The following CDKN2D variants were observed in gnomAD, a reference collection of about 807,000 sequenced individuals.
CDKN2D encodes cyclin dependent kinase inhibitor 2D, also known as cyclin-dependent kinase 4 inhibitor D.
Under a neutral mutation model 4.7 loss-of-function variants are expected in CDKN2D, and 3 were observed. The observed-to-expected ratio is 0.64, with a 90% CI of 0.29 to 1.66. The LOEUF is 1.66. Ranked by LOEUF, CDKN2D falls within the 40% of genes most tolerant of loss-of-function variation. The probability of loss-of-function intolerance (pLI) is 0.10; values close to 1 mark genes in which losing one functional copy is unlikely to be tolerated. For missense variants in CDKN2D, 196 were observed against 230.9 expected, an observed-to-expected ratio of 0.85 and a Z score of 0.98; for synonymous variants, 91 against 102.3, an observed-to-expected ratio of 0.89 and a Z score of 0.67.
Position 10,567,309 on chromosome 19 carries a change from T to C in CDKN2D, c.250A>G (p.Thr84Ala), listed in dbSNP as rs771875985. 5 of 1,614,124 alleles carry C rather than the reference T, an allele frequency of 3.1e-6. No individual in the cohort carries two copies. The South Asian group carries it at 5.5e-5, about 18-fold the overall frequency. The change falls in exon 2 of 2, where the codon ACT (threonine) becomes GCT (alanine). Residue 84 changes from threonine (T) to alanine (A), a missense_variant. By Grantham distance (58) the Thr-to-Ala change is moderately conservative. Coordinates refer to ENST00000393599, the MANE Select transcript of CDKN2D (RefSeq NM_001800.4). Reference protein sequence around the residue: ...GTSPVHDAARTGFLDTLKVLV... With the variant: ...GTSPVHDAARAGFLDTLKVLV... ...ACCTTCAGGGTGTCCAGGAATCCAG[T>C]GCGGGCTGCGTCATGGACTGGACTG...
At position 10,568,903 on chromosome 19, in the gene CDKN2D, G is replaced by C. The variant is rs1916981095; in HGVS notation, c.-250C>G. 1 of 232,860 alleles carries C rather than the reference G, an allele frequency of 4.3e-6. No individual in the cohort carries two copies. Among genetic ancestry groups the C allele is most frequent in the Non-Finnish European group, 8.4e-6 (1 of 119,720 alleles). The allele number at this position is 232,860 out of a possible 1,614,324, so 14.4% of individuals were successfully genotyped here. A position where few individuals can be genotyped will look rare whatever the true frequency, so the allele number is the denominator to read the frequency against. ...AACCCTCGGCCGCCCGCGGGGCCCTGCCCGGCGCCCGCCCCTTGGGGGCCG... is the reference window on the plus strand; with the variant it reads ...AACCCTCGGCCGCCCGCGGGGCCCTCCCCGGCGCCCGCCCCTTGGGGGCCG... On this transcript the variant is annotated 5_prime_UTR_variant, in exon 1 of 2. Coordinates refer to ENST00000393599, the MANE Select transcript of CDKN2D (RefSeq NM_001800.4).
At chr19:10,567,528 T>A in intron 1 of CDKN2D, 111 bp from the exon 2 acceptor site, 1 of 1,306,924 alleles carries the variant, frequency 7.7e-7, no homozygotes. Context: ...AAACAGGAAA[T>A]GCTAGAGGAG....
chr19:10,567,339 CG>C lies in CDKN2D; in HGVS notation c.219del (p.Gly74ValfsTer17). ...GCTGCGTCATGGACTGGACTGGTAC[CG>C]GAGGTGTCCTGGACATTGGGGCTGG... ...QGASPNVQDT[S>X]GTSPVHDAAR... On this transcript the variant is annotated frameshift_variant, in exon 2 of 2. Coordinates refer to ENST00000393599, the MANE Select transcript of CDKN2D (RefSeq NM_001800.4). LOFTEE classifies it high-confidence loss of function. 1 of 1,614,122 alleles carries C rather than the reference CG, an allele frequency of 6.2e-7. No homozygotes were observed. The highest frequency in any genetic ancestry group is 8.5e-7 in the Non-Finnish European group (1 of 1,180,010).
chr19:10,568,763 G>C lies in CDKN2D; in HGVS notation c.-110C>G, dbSNP rs1354005458. 14 of 710,548 alleles carry C rather than the reference G, an allele frequency of 2.0e-5. No homozygotes were observed. The highest frequency in any genetic ancestry group is 3.8e-5 in the East Asian group (1 of 26,234). The allele number at this position is 710,548 out of a possible 1,614,324, so 44.0% of individuals were successfully genotyped here. A position where few individuals can be genotyped will look rare whatever the true frequency, so the allele number is the denominator to read the frequency against. On this transcript the variant is annotated 5_prime_UTR_variant, in exon 1 of 2. Transcript: ENST00000393599. ...ACAGCCCTCCCGGGGCGCGGCCGCG[G>C]TGCACCCGGCTGCGCTGCTCTCCCG...
chr19:10,567,206 C>A lies in CDKN2D; in HGVS notation c.353G>T (p.Gly118Val). 6.2e-7 allele frequency: 1 copy of A among 1,614,180 alleles called. No individual in the cohort carries two copies. The highest frequency in any genetic ancestry group is 8.5e-7 in the Non-Finnish European group (1 of 1,180,030). The change falls in exon 2 of 2, where the codon GGT (glycine) becomes GTT (valine). Residue 118 changes from glycine to valine, a missense_variant. Physicochemically the swap from Gly to Val is moderately radical, Grantham distance 109 (BLOSUM62 -3). Transcript: ENST00000393599. ...ALPIHLAVQEGHTAVVSFLAA... is the reference protein window; with the variant it reads ...ALPIHLAVQEVHTAVVSFLAA... Reference sequence around the variant, plus strand: ...CAGAAAGCTGACCACAGCAGTGTGACCCTCTTGAACTGCCAGATGGATTGG... The same window carrying A: ...CAGAAAGCTGACCACAGCAGTGTGAACCTCTTGAACTGCCAGATGGATTGG...
Position 10,566,703 on chromosome 19 carries a change from G to T in CDKN2D, c.*355C>A. On this transcript the variant is annotated 3_prime_UTR_variant, in exon 2 of 2. Coordinates refer to ENST00000393599, the MANE Select transcript of CDKN2D (RefSeq NM_001800.4). ...CACTTCAGGTCTCTGAGCACAGCCG[G>T]CCAAGGCCACCAGCTTCTAGGCTCC... is the stretch of plus-strand genomic sequence containing the variant. 3.1e-6 allele frequency: 1 copy of T among 322,084 alleles called. No homozygotes were observed. The highest frequency in any genetic ancestry group is 2.1e-5 in the African/African-American group (1 of 48,076). 20.0% of individuals were successfully genotyped at this position (322,084 alleles called of 1,614,324 possible). A position where few individuals can be genotyped will look rare whatever the true frequency, so the allele number is the denominator to read the frequency against.
rs778041477 is a variant in CDKN2D at position 10,566,809 on chromosome 19, C to T, written c.*249G>A. 18 of 480,302 alleles carry T rather than the reference C, an allele frequency of 3.7e-5. No homozygotes were observed. Among genetic ancestry groups the T allele is most frequent in the Non-Finnish European group, 5.3e-5 (14 of 265,756 alleles). 29.8% of individuals were successfully genotyped at this position (480,302 alleles called of 1,614,324 possible). On this transcript the variant is annotated 3_prime_UTR_variant, in exon 2 of 2. Transcript: ENST00000393599. ...CCAGCAGCCTGAGGCGCAGAAGAAA[C>T]TGAACCGTTTAGGTGGCTGTGGCCT...
At position 10,567,151 on chromosome 19, in the gene CDKN2D, G is replaced by A. The variant is rs554620640; in HGVS notation, c.408C>T (p.Asp136=). Reference sequence around the variant, plus strand: ...GCTCCAAGGGTGTGAGACCCCTGGCGTCCCTGCGATGGAGATCAGATTCAG... The same window carrying A: ...GCTCCAAGGGTGTGAGACCCCTGGCATCCCTGCGATGGAGATCAGATTCAG... ...LAAESDLHRR[D]ARGLTPLELA... Residue 136 remains aspartate (D), a synonymous_variant, in exon 2 of 2, where the codon GAC becomes GAT. Transcript: ENST00000393599. The A allele has an allele frequency of 1.3e-5, 21 of 1,614,100 alleles. No individual in the cohort carries two copies. Among genetic ancestry groups the A allele is most frequent in the East Asian group, 2.2e-5 (1 of 44,872 alleles).
chr19:10,567,431 A>G lies in CDKN2D; in HGVS notation c.142-14T>C. 2 of 1,605,524 alleles carry G rather than the reference A, an allele frequency of 1.2e-6. No homozygotes were observed. Among genetic ancestry groups the G allele is most frequent in the Non-Finnish European group, 1.7e-6 (2 of 1,174,526 alleles). On this transcript the variant is annotated splice_polypyrimidine_tract_variant and intron_variant, in intron 1 of 1. Transcript: ENST00000393599. ...AAACATCATGACCTGTGTGAGGGAC[A>G]GAGGATCAGGAGGTCCTCAAGGGAG...
chr19:10,568,478 C>T (rs1186273645), intron 1 of CDKN2D, 35 bp downstream of exon 1: 20 of 1,330,218 alleles, frequency 1.5e-5, no homozygotes, highest in Non-Finnish European at 1.8e-5. Context: ...TCCCGCTTAG[C>T]CGCCCCGCCC....
chr19:10,567,395 G>A lies in CDKN2D; in HGVS notation c.164C>T (p.Ala55Val). The A allele has an allele frequency of 2.5e-6, 4 of 1,613,744 alleles. No individual in the cohort carries two copies. Among genetic ancestry groups the A allele is most frequent in the Non-Finnish European group, 3.4e-6 (4 of 1,179,798 alleles). The change falls in exon 2 of 2, where the codon GCC becomes GTC. Residue 55 changes from alanine (A) to valine (V), a missense_variant. Ala to Val is a moderately conservative substitution (Grantham distance 64). Transcript: ENST00000393599. The stretch of plus-strand genomic sequence containing the variant: ...TTGCTTCAGCAGCTCCAGGGCGATG[G>A]CGGTGCTGCCAAACATCATGACCTG... ...ALQVMMFGSTAIALELLKQGA... is the reference protein window; with the variant it reads ...ALQVMMFGSTVIALELLKQGA...
chr19:10,567,425 A>T lies in CDKN2D; in HGVS notation c.142-8T>A. On this transcript the variant is annotated splice_region_variant and splice_polypyrimidine_tract_variant and intron_variant, in intron 1 of 1. Coordinates refer to ENST00000393599, the MANE Select transcript of CDKN2D (RefSeq NM_001800.4). Reference sequence around the variant, plus strand: ...GCTGCCAAACATCATGACCTGTGTGAGGGACAGAGGATCAGGAGGTCCTCA... The same window carrying T: ...GCTGCCAAACATCATGACCTGTGTGTGGGACAGAGGATCAGGAGGTCCTCA... 6.2e-7 allele frequency: 1 copy of T among 1,607,062 alleles called. No homozygotes were observed. The highest frequency in any genetic ancestry group is 8.5e-7 in the Non-Finnish European group (1 of 1,175,300).
At chr19:10,568,472 G>T in intron 1 of CDKN2D, 41 bp downstream of exon 1, 1 of 1,326,964 alleles carries the variant, frequency 7.5e-7, no homozygotes, top group Admixed American at 3.5e-5. Context: ...TCCTCATCCC[G>T]CTTAGCCGCC....
chr19:10,567,919 G>T (rs56281777), intron 1 of CDKN2D, among the ~76,000 whole-genome samples: 1 of 152,046 alleles, frequency 6.6e-6, no homozygotes, highest in Non-Finnish European at 1.5e-5. Flanking sequence ...TTCAAGAAGC[G>T]GGATTCCAAA....
intron 1 of CDKN2D, among the ~76,000 whole-genome samples, chr19:10,567,636 G>T (rs1916938850): frequency 8.7e-6 from 1 of 115,128 alleles, no homozygotes; most frequent in African/African-American, 3.6e-5. Flanking sequence ...TTAAGAATGA[G>T]ACCCCCCAAC....
In CDKN2D at chr19:10,567,085, C is replaced by T. The variant is rs1568426106; in HGVS notation, c.474G>A (p.Leu158=). Residue 158 remains leucine, a synonymous_variant, in exon 2 of 2, where the codon CTG becomes CTA. Transcript: ENST00000393599. ...QRGAQDLVDI[L]QGHMVAPL ...ACAGCGGGGCCACCATGTGGCCCTG[C>T]AGGATGTCCACGAGGTCCTGAGCCC... The T allele has an allele frequency of 6.2e-7, 1 of 1,611,956 alleles. No individual in the cohort carries two copies. The highest frequency in any genetic ancestry group is 2.2e-5 in the East Asian group (1 of 44,894).
chr19:10,566,970 A>G lies in CDKN2D; in HGVS notation c.*88T>C, dbSNP rs1047756933. 2.2e-6 allele frequency: 3 copies of G among 1,372,136 alleles called. No homozygotes were observed. The highest frequency in any genetic ancestry group is 2.9e-5 in the African/African-American group (2 of 69,186). 85.0% of individuals were successfully genotyped at this position (1,372,136 alleles called of 1,614,324 possible). A position where few individuals can be genotyped will look rare whatever the true frequency, so the allele number is the denominator to read the frequency against. ...CTCCTCCCCTACTGCAGCAGTGGGC[A>G]GGAGAAACAAGAAGAGAAAGTGTTT... On this transcript the variant is annotated 3_prime_UTR_variant, in exon 2 of 2. Transcript: ENST00000393599.
In CDKN2D at chr19:10,567,554, C is replaced by T. The variant is rs1026048552; in HGVS notation, c.142-137G>A. On this transcript the variant is annotated intron_variant, in intron 1 of 1. Transcript: ENST00000393599. ...GCTAGAGGAGGGGTCCTCTAGTGAA[C>T]GGAGAAGCTGCATAAGCCCCCAGGA... is the stretch of plus-strand genomic sequence containing the variant. 28 of 1,034,938 alleles carry T rather than the reference C, an allele frequency of 2.7e-5. No individual in the cohort carries two copies. In the African/African-American group the frequency reaches 2.7e-4, roughly 10 times the overall value. 64.1% of individuals were successfully genotyped at this position (1,034,938 alleles called of 1,614,324 possible). A position where few individuals can be genotyped will look rare whatever the true frequency, so the allele number is the denominator to read the frequency against.
At position 10,568,583 on chromosome 19, in the gene CDKN2D, A is replaced by G; in HGVS notation, c.71T>C (p.Val24Ala). ...CAGCTCCCGGTGCAGAAGGCGGCGC[A>G]CCTCCTGCACGTCGCCCCGGGCCGC... is the stretch of plus-strand genomic sequence containing the variant. ...GAAARGDVQE[V>A]RRLLHRELVH... Residue 24 changes from valine (V) to alanine (A), a missense_variant, in exon 1 of 2, where the codon GTG (valine) becomes GCG (alanine). Coordinates refer to ENST00000393599, the MANE Select transcript of CDKN2D (RefSeq NM_001800.4). 1 of 1,497,788 alleles carries G rather than the reference A, an allele frequency of 6.7e-7. No individual in the cohort carries two copies. Among genetic ancestry groups the G allele is most frequent in the Non-Finnish European group, 8.9e-7 (1 of 1,128,060 alleles). The allele number at this position is 1,497,788 out of a possible 1,614,324, so 92.8% of individuals were successfully genotyped here.
Sources: gnomAD v4.1 joint callset for allele counts (sites outside exome capture counted in the v4.1 genomes callset) on GRCh38, gnomAD v4.1.1 for gene constraint, MANE v1.5 for transcripts, NCBI Gene and HGNC (gene_info 2026-07-23, HGNC 2026-07-21) for gene names.